Variants in PLA2G4E observed in about 807,000 individuals in gnomAD.
PLA2G4E encodes cytosolic phospholipase A2 epsilon.
PLA2G4E carries 84 observed loss-of-function variants against 109.1 expected under a neutral mutation model. The observed-to-expected ratio is 0.77, with a 90% CI of 0.65 to 0.92. The LOEUF (loss-of-function observed/expected upper bound fraction) is 0.92. PLA2G4E is among the 40% of genes least tolerant of loss of function. The pLI is 0.00. For missense variants in PLA2G4E, 1,057 were observed against 1,076.6 expected, an observed-to-expected ratio of 0.98 and a Z score of 0.25; for synonymous variants, 469 against 436.1, an observed-to-expected ratio of 1.08 and a Z score of -0.94.
chr15:42,048,036 G>A (rs150086568), intron 1 of PLA2G4E, among the ~76,000 whole-genome samples: 2,918 of 152,300 alleles, frequency 0.019, 48 homozygotes, highest in Non-Finnish European at 0.025. Context: ...TCTGCATAAT[G>A]ACGGTTTGGT....
intron 4 of PLA2G4E, among the ~76,000 whole-genome samples, chr15:42,005,664 A>G (rs563302348): frequency 6.6e-6 from 1 of 152,366 alleles, no homozygotes; most frequent in South Asian, 2.1e-4. Context: ...AAAGGAGGGA[A>G]GGGAACCAAG....
At chr15:42,043,279 G>A (rs1712434) in intron 1 of PLA2G4E, among the ~76,000 whole-genome samples, 40,693 of 151,946 alleles carry the variant, frequency 0.27, 5,582 homozygotes, top group South Asian at 0.37. Flanking sequence ...CTAAGAGGTA[G>A]GTGGCTCTGA....
chr15:42,032,072 G>C (rs1889123221), intron 1 of PLA2G4E, among the ~76,000 whole-genome samples: 1 of 152,078 alleles, frequency 6.6e-6, no homozygotes, highest in South Asian at 2.1e-4. Context: ...ACACCTCCTT[G>C]CTTCCCCTCT....
exon 13 of PLA2G4E, chr15:41,992,891 G>A: frequency 6.2e-7 from 1 of 1,614,020 alleles, no homozygotes; most frequent in Non-Finnish European, 8.5e-7. Flanking sequence ...ATGTCTCCGA[G>A]CCTCAAAGAT....
chr15:42,044,886 G>T (rs1366399993), intron 1 of PLA2G4E, among the ~76,000 whole-genome samples: 3 of 152,200 alleles, frequency 2.0e-5, no homozygotes, highest in Non-Finnish European at 4.4e-5. Context: ...TAGTGGCTCA[G>T]ATGGGAAGCA....
intron 1 of PLA2G4E, among the ~76,000 whole-genome samples, chr15:42,018,219 G>T (rs1338494339): frequency 6.6e-6 from 1 of 152,206 alleles, no homozygotes; most frequent in Non-Finnish European, 1.5e-5. Flanking sequence ...TGGCCTGGAG[G>T]TAATTAATCT....
chr15:42,026,227 T>C (rs755032853), intron 1 of PLA2G4E, among the ~76,000 whole-genome samples: 4 of 152,162 alleles, frequency 2.6e-5, no homozygotes, highest in Non-Finnish European at 5.9e-5. Context: ...AACAGTATAT[T>C]ATGGGAACAA....
chr15:41,999,094 A>T (rs1411126155), intron 10 of PLA2G4E: 1 of 149,536 alleles, frequency 6.7e-6, no homozygotes, highest in Non-Finnish European at 1.5e-5. Flanking sequence ...ATTTCAGGAC[A>T]TTGGATTAGG....
chr15:41,999,960 G>T lies in PLA2G4E; in HGVS notation c.893C>A (p.Pro298His), dbSNP rs779978897. Residue 298 changes from proline (P) to histidine (H), a missense_variant, in exon 9 of 20, where the codon CCC becomes CAC. Pro to His is a moderately conservative substitution (Grantham distance 77). Coordinates refer to ENST00000399518, the Ensembl canonical transcript of PLA2G4E. ...CTGACCATCGGAAAGGCAGTCGAGGGGCTGGCTGATGGGGCCCTTCTTGCG... is the reference window on the plus strand; with the variant it reads ...CTGACCATCGGAAAGGCAGTCGAGGTGCTGGCTGATGGGGCCCTTCTTGCG... 1.1e-4 allele frequency: 177 copies of T among 1,611,484 alleles called. No individual in the cohort carries two copies. Among genetic ancestry groups the T allele is most frequent in the Non-Finnish European group, 1.4e-4 (165 of 1,179,040 alleles).
chr15:41,997,504 C>G (rs1450610240), intron 10 of PLA2G4E: 1 of 340,668 alleles, frequency 2.9e-6, no homozygotes, highest in African/African-American at 2.1e-5. Context: ...ACAATGCGAG[C>G]TGGTACTCAA....
At chr15:42,023,826 G>T (rs1266016319) in intron 1 of PLA2G4E, among the ~76,000 whole-genome samples, 6 of 152,308 alleles carry the variant, frequency 3.9e-5, no homozygotes, top group Non-Finnish European at 2.9e-5. Context: ...ACTCCTCAGA[G>T]CAGGGTCTCA....
chr15:42,033,550 G>A (rs1889151987), intron 1 of PLA2G4E, among the ~76,000 whole-genome samples: 1 of 149,454 alleles, frequency 6.7e-6, no homozygotes, highest in South Asian at 2.2e-4. Flanking sequence ...CCAGGCACCT[G>A]GAGGAGGCAT....
At chr15:42,010,453 C>T (rs2068525085) in intron 2 of PLA2G4E, among the ~76,000 whole-genome samples, 1 of 152,174 alleles carries the variant, frequency 6.6e-6, no homozygotes, top group Non-Finnish European at 1.5e-5. Context: ...TTTTTCAGTT[C>T]TTTTGCAGAG....
exon 17 of PLA2G4E, chr15:41,987,262 G>C (rs370317501): frequency 1.2e-6 from 2 of 1,613,862 alleles, no homozygotes; most frequent in Non-Finnish European, 1.7e-6. Context: ...ACGAAGGACC[G>C]ATGGGTAAGG....
chr15:41,990,014 T>C (rs911653732), intron 14 of PLA2G4E, 107 bp downstream of exon 14: 1 of 847,168 alleles, frequency 1.2e-6, no homozygotes, highest in Admixed American at 1.9e-5. Flanking sequence ...GATGTAGAGG[T>C]TGACAAAGAT....
chr15:41,999,877 G>A (rs938152203), intron 9 of PLA2G4E, 40 bp downstream of exon 9: 7 of 1,552,570 alleles, frequency 4.5e-6, no homozygotes, highest in African/African-American at 4.1e-5. Flanking sequence ...GAGCTCCAGG[G>A]GAAGTAAGTC....
exon 20 of PLA2G4E, chr15:41,983,271 C>A (rs190543855): frequency 1.6e-3 from 249 of 159,118 alleles, no homozygotes; most frequent in Non-Finnish European, 2.6e-3. Context: ...CTAAAAAAAC[C>A]CAAAAATCAC....
chr15:42,002,286 AAGGT>A (rs2068429765), intron 6 of PLA2G4E, among the ~76,000 whole-genome samples: 2 of 149,554 alleles, frequency 1.3e-5, no homozygotes, highest in African/African-American at 2.5e-5. Flanking sequence ...AAAAAAAAAA[AAGGT>A]AAACTGTGCT....
At chr15:42,020,281 C>T (rs1414231643) in intron 1 of PLA2G4E, among the ~76,000 whole-genome samples, 1 of 152,206 alleles carries the variant, frequency 6.6e-6, no homozygotes, top group Non-Finnish European at 1.5e-5. Context: ...CTTCGAGGAA[C>T]CAACTAATGA....
Sources: gnomAD v4.1 joint callset for allele counts (sites outside exome capture counted in the v4.1 genomes callset) on GRCh38, gnomAD v4.1.1 for gene constraint, MANE v1.5 for transcripts, NCBI Gene and HGNC (gene_info 2026-07-23, HGNC 2026-07-21) for gene names.